The following SLIT2 variants were observed in gnomAD, a reference collection of about 807,000 sequenced individuals.
SLIT2 encodes slit homolog 2 protein.
A neutral mutation model predicts 185.7 loss-of-function variants in SLIT2; 41 were observed. The observed-to-expected ratio is 0.22, with a 90% CI of 0.17 to 0.29. The LOEUF is 0.29. SLIT2 is among the 10% of genes least tolerant of loss of function. The probability of loss-of-function intolerance (pLI) is 1.00; values close to 1 mark genes in which losing one functional copy is unlikely to be tolerated. For missense variants in SLIT2, 1,571 were observed against 1,909.0 expected (o/e 0.82, Z 3.30); for synonymous variants, 693 against 680.2 (o/e 1.02, Z -0.29).
intron 4 of SLIT2, among the ~76,000 whole-genome samples, chr4:20,453,289 T>A (rs537554064): frequency 3.9e-5 from 6 of 152,310 alleles, no homozygotes; most frequent in Admixed American, 2.0e-4. Context: ...TATTTATTGA[T>A]AATGACAGCA....
chr4:20,386,474 T>C (rs1009065142), intron 4 of SLIT2, among the ~76,000 whole-genome samples: 3 of 152,206 alleles, frequency 2.0e-5, no homozygotes, highest in Non-Finnish European at 2.9e-5. Flanking sequence ...TCAGAAAATA[T>C]TCCTTTGTTG....
rs565571355 is a variant in SLIT2 at position 20,479,468 on chromosome 4, G to A, written c.468-1248G>A. 3.9e-5 allele frequency among the ~76,000 whole-genome samples: 6 copies of A among 152,212 alleles called. No individual in the cohort carries two copies. The South Asian group carries it at 8.3e-4, about 21-fold the overall frequency. ...GTATTACGATCATAATCTTACTCCT[G>A]TTCATCCACATTCTCTCACCCAGTG... On this transcript the variant is annotated intron_variant, in intron 5 of 36. Transcript: ENST00000504154.
At chr4:20,430,875 A>G (rs1728920380) in intron 4 of SLIT2, among the ~76,000 whole-genome samples, 1 of 152,174 alleles carries the variant, frequency 6.6e-6, no homozygotes, top group Non-Finnish European at 1.5e-5. Context: ...CTCTACATTG[A>G]GATCCATATC....
intron 4 of SLIT2, among the ~76,000 whole-genome samples, chr4:20,327,575 T>C (rs2109188455): frequency 6.6e-6 from 1 of 152,144 alleles, no homozygotes; most frequent in East Asian, 1.9e-4. Flanking sequence ...AGTGGGTAAA[T>C]TGCTTATAGG....
At chr4:20,399,571 T>C (rs998661796) in intron 4 of SLIT2, among the ~76,000 whole-genome samples, 1 of 151,842 alleles carries the variant, frequency 6.6e-6, no homozygotes, top group Non-Finnish European at 1.5e-5. Context: ...TATTTTTGTT[T>C]ATTGACTCAG....
intron 4 of SLIT2, among the ~76,000 whole-genome samples, chr4:20,276,870 G>T (rs1714220918): frequency 2.0e-5 from 3 of 152,334 alleles, no homozygotes; most frequent in East Asian, 1.9e-4. Context: ...GGAGGAAAAA[G>T]AATCCAAGGA....
chr4:20,542,699 A>G (rs1722906891), intron 21 of SLIT2, 73 bp downstream of exon 21: 2 of 1,449,358 alleles, frequency 1.4e-6, no homozygotes, highest in African/African-American at 1.4e-5. Context: ...AGAGGAATGG[A>G]CAAAAATCTT....
intron 29 of SLIT2, among the ~76,000 whole-genome samples, chr4:20,573,070 T>C (rs1383034539): frequency 6.6e-6 from 1 of 152,168 alleles, no homozygotes; most frequent in Admixed American, 6.5e-5. Flanking sequence ...TTTCTCCATG[T>C]TTGTGCGTGT....
At position 20,253,872 on chromosome 4, in the gene SLIT2, C is replaced by A. The variant is rs769098401; in HGVS notation, c.57C>A (p.Ile19=). 1.9e-5 allele frequency: 31 copies of A among 1,600,936 alleles called. No homozygotes were observed. The highest frequency in any genetic ancestry group is 2.2e-5 in the Non-Finnish European group (26 of 1,179,912). Residue 19 remains isoleucine, a synonymous_variant, in exon 1 of 37, where the codon ATC becomes ATA. Coordinates refer to ENST00000504154, the MANE Select transcript of SLIT2 (RefSeq NM_004787.4). The part of the protein sequence containing the change: ...LSLSLGLVLA[I]LNKVAPQACP... ...TGTCGCTGGGGTTAGTGCTGGCGAT[C>A]CTGAACAAGGTGGCACCGCAGGCGT... is the stretch of plus-strand genomic sequence containing the variant.
intron 4 of SLIT2, among the ~76,000 whole-genome samples, chr4:20,325,879 G>A (rs1388629221): frequency 6.6e-6 from 1 of 152,040 alleles, no homozygotes; most frequent in African/African-American, 2.4e-5. Flanking sequence ...CATGCAATGT[G>A]ACCAATAAAT....
intron 4 of SLIT2, among the ~76,000 whole-genome samples, chr4:20,430,871 A>G (rs1288663958): frequency 1.3e-5 from 2 of 152,270 alleles, no homozygotes; most frequent in Admixed American, 6.5e-5. Flanking sequence ...CAGGCTCTAC[A>G]TTGAGATCCA....
In SLIT2 at chr4:20,535,280, C is replaced by T. The variant is rs148596219; in HGVS notation, c.1832+1565C>T. On this transcript the variant is annotated intron_variant, in intron 18 of 36. Coordinates refer to ENST00000504154, the MANE Select transcript of SLIT2 (RefSeq NM_004787.4). ...CTCCACTACACTCCAGCCTGGGTGA[C>T]ATAGTGAGATTCTGTCTCATAAAAA... Among the ~76,000 whole-genome samples the T allele has an allele frequency of 4.6e-3, 702 of 151,920 alleles. 6 individuals are homozygous for T. The highest frequency in any genetic ancestry group is 0.016 in the African/African-American group (669 of 41,418).
At chr4:20,268,982 T>A in intron 4 of SLIT2, 101 bp downstream of exon 4, 2 of 749,640 alleles carry the variant, frequency 2.7e-6, no homozygotes, top group South Asian at 3.0e-5. Context: ...AATCTGTTCA[T>A]CAATAGATTA....
At chr4:20,609,786 A>C (rs1210044225) in intron 33 of SLIT2, among the ~76,000 whole-genome samples, 1 of 152,206 alleles carries the variant, frequency 6.6e-6, no homozygotes, top group Admixed American at 6.5e-5. Context: ...ACTTCTTGTC[A>C]TAAAAGAACA....
chr4:20,513,929 A>G (rs1397071344), intron 11 of SLIT2, among the ~76,000 whole-genome samples: 1 of 152,208 alleles, frequency 6.6e-6, no homozygotes, highest in Non-Finnish European at 1.5e-5. Context: ...TATCACTGCT[A>G]CTGGAGAGTA....
chr4:20,308,717 A>G (rs1425641911), intron 4 of SLIT2, among the ~76,000 whole-genome samples: 1 of 152,184 alleles, frequency 6.6e-6, no homozygotes, highest in East Asian at 1.9e-4. Context: ...TTTTGTACAT[A>G]TGGGTATACT....
In SLIT2 at chr4:20,254,559, T is replaced by G. The variant is rs1577325986; in HGVS notation, c.179+565T>G. Reference sequence around the variant, plus strand: ...TTCTCACAGGTCGCGGGGAGAAGGGTGCCCCAGGACGGCGACACCTCGCAT... The same window carrying G: ...TTCTCACAGGTCGCGGGGAGAAGGGGGCCCCAGGACGGCGACACCTCGCAT... On this transcript the variant is annotated intron_variant, in intron 1 of 36. Coordinates refer to ENST00000504154, the MANE Select transcript of SLIT2 (RefSeq NM_004787.4). The surrounding 1 kb of genome is among the most constrained non-coding windows in gnomAD (Gnocchi z 5.1). 6.6e-6 allele frequency among the ~76,000 whole-genome samples: 1 copy of G among 151,638 alleles called. No individual in the cohort carries two copies. The highest frequency in any genetic ancestry group is 1.5e-5 in the Non-Finnish European group (1 of 67,878).
intron 4 of SLIT2, among the ~76,000 whole-genome samples, chr4:20,328,993 A>G (rs80344845): frequency 6.6e-6 from 1 of 152,062 alleles, no homozygotes; most frequent in African/African-American, 2.4e-5. Flanking sequence ...ATTCATGGTG[A>G]TGTTAATCAA....
chr4:20,471,293 G>T (rs369545055), intron 5 of SLIT2, among the ~76,000 whole-genome samples: 1 of 151,996 alleles, frequency 6.6e-6, no homozygotes, highest in Non-Finnish European at 1.5e-5. Flanking sequence ...GAAAACTTAC[G>T]AAGGCTATCT....
Sources: allele counts gnomAD v4.1 joint callset (sites outside exome capture counted in the v4.1 genomes callset), GRCh38; gene constraint gnomAD v4.1.1; non-coding constraint Gnocchi (gnomAD v3.1); transcripts MANE v1.5; gene names NCBI Gene and HGNC (gene_info 2026-07-23, HGNC 2026-07-21).